Variants in PDSS2 observed in about 807,000 individuals in gnomAD.
The protein encoded by PDSS2 is decaprenyl diphosphate synthase subunit 2.
Under a neutral mutation model 44.5 loss-of-function variants are expected in PDSS2, and 31 were observed. The observed-to-expected ratio is 0.70, with a 90% CI of 0.52 to 0.94. The LOEUF is 0.94. PDSS2 is among the 40% of genes least tolerant of loss of function. The pLI, the probability that PDSS2 is intolerant of heterozygous loss-of-function variation, is 0.00. For synonymous variants in PDSS2, 157 were observed against 180.3 expected, an observed-to-expected ratio of 0.87 and a Z score of 1.03; for missense variants, 452 against 482.2, an observed-to-expected ratio of 0.94 and a Z score of 0.59.
chr6:107,364,448 C>T (rs1336819074), intron 1 of PDSS2, among the ~76,000 whole-genome samples: 1 of 152,230 alleles, frequency 6.6e-6, no homozygotes, highest in Admixed American at 6.5e-5. Context: ...GCCGGCACTG[C>T]TGGGGGACTC....
chr6:107,333,870 T>C (rs371134125), intron 2 of PDSS2, among the ~76,000 whole-genome samples: 2 of 152,112 alleles, frequency 1.3e-5, no homozygotes, highest in African/African-American at 4.8e-5. Flanking sequence ...TTAAAAATCA[T>C]AGATCCTGAA....
chr6:107,236,046 G>A (rs898513692), intron 4 of PDSS2, among the ~76,000 whole-genome samples: 10 of 152,084 alleles, frequency 6.6e-5, no homozygotes, highest in East Asian at 1.9e-4. Flanking sequence ...TCTTTTCCCC[G>A]TTTTATGAAA....
chr6:107,153,724 C>A lies in PDSS2; in HGVS notation c.*895G>T, dbSNP rs1409537379. ...ATTTGGCAACTTTTCGGCAATTTCT[C>A]CAAAAAGACATTATAAAAACCATAA... On this transcript the variant is annotated 3_prime_UTR_variant, in exon 8 of 8. Coordinates refer to ENST00000369037, the MANE Select transcript of PDSS2 (RefSeq NM_020381.4). The A allele has an allele frequency of 6.6e-6, 1 of 152,558 alleles. No homozygotes were observed. Among genetic ancestry groups the A allele is most frequent in the Non-Finnish European group, 1.5e-5 (1 of 68,028 alleles). The allele number at this position is 152,558 out of a possible 1,614,324, so 9.5% of individuals were successfully genotyped here.
chr6:107,449,774 T>C (rs954101590), intron 1 of PDSS2, among the ~76,000 whole-genome samples: 3 of 152,234 alleles, frequency 2.0e-5, no homozygotes, highest in South Asian at 4.1e-4. Flanking sequence ...TCTCACTGTG[T>C]TGCCCAAGCT....
intron 4 of PDSS2, among the ~76,000 whole-genome samples, chr6:107,226,226 G>A (rs532852592): frequency 1.2e-3 from 189 of 152,222 alleles, no homozygotes; most frequent in African/African-American, 4.4e-3. Flanking sequence ...GGAGAATAGC[G>A]TGAACCTGGG....
At chr6:107,187,173 T>A (rs1463740060) in intron 7 of PDSS2, among the ~76,000 whole-genome samples, 1 of 152,228 alleles carries the variant, frequency 6.6e-6, no homozygotes, top group Non-Finnish European at 1.5e-5. Flanking sequence ...TTCTTCTCTA[T>A]GTTACTTGGA....
chr6:107,324,433 G>A (rs985320021), intron 2 of PDSS2, among the ~76,000 whole-genome samples: 9 of 152,118 alleles, frequency 5.9e-5, no homozygotes, highest in South Asian at 4.1e-4. Context: ...AAAAAGATAC[G>A]TTTCTTAAAT....
chr6:107,286,295 G>A (rs1202332997), intron 2 of PDSS2, among the ~76,000 whole-genome samples: 1 of 151,636 alleles, frequency 6.6e-6, no homozygotes, highest in African/African-American at 2.4e-5. Context: ...ATCACTTGAG[G>A]TCAGGAGTTT....
chr6:107,421,196 T>C (rs1422602850), intron 1 of PDSS2, among the ~76,000 whole-genome samples: 2 of 152,164 alleles, frequency 1.3e-5, no homozygotes, highest in Non-Finnish European at 2.9e-5. Flanking sequence ...TACCAAATGC[T>C]AACAAAGGAT....
intron 1 of PDSS2, among the ~76,000 whole-genome samples, chr6:107,455,017 T>C (rs1781990772): frequency 6.6e-6 from 1 of 152,070 alleles, no homozygotes; most frequent in Non-Finnish European, 1.5e-5. Context: ...CAACACATTA[T>C]TGTAGTAAAT....
At chr6:107,389,835 A>AC (rs1199112509) in intron 1 of PDSS2, among the ~76,000 whole-genome samples, 6 of 152,002 alleles carry the variant, frequency 3.9e-5, no homozygotes, top group Admixed American at 2.0e-4. Flanking sequence ...AAACAAACAA[A>AC]AAAAACCATA....
At chr6:107,194,535 G>A (rs1326466975) in intron 6 of PDSS2, among the ~76,000 whole-genome samples, 1 of 152,132 alleles carries the variant, frequency 6.6e-6, no homozygotes, top group Non-Finnish European at 1.5e-5. Context: ...ACTGAAAGTT[G>A]GGTCTGGAGA....
intron 1 of PDSS2, among the ~76,000 whole-genome samples, chr6:107,419,899 A>G (rs188364659): frequency 6.6e-6 from 1 of 152,298 alleles, no homozygotes; most frequent in Admixed American, 6.5e-5. Flanking sequence ...CTCCATAGCA[A>G]CTGTAACTCT....
chr6:107,173,572 CAAAAAAAA>C (rs71012783), intron 7 of PDSS2, among the ~76,000 whole-genome samples: 113 of 41,514 alleles, frequency 2.7e-3, no homozygotes, highest in African/African-American at 0.014. Context: ...GACTCTGTCT[CAAAAAAAA>C]AAAAAAAAAA....
At chr6:107,311,840 A>C (rs1777056201) in intron 2 of PDSS2, among the ~76,000 whole-genome samples, 1 of 152,206 alleles carries the variant, frequency 6.6e-6, no homozygotes, top group African/African-American at 2.4e-5. Context: ...TGAGACATAA[A>C]TGAGATAACA....
chr6:107,249,878 G>C (rs532164163), intron 3 of PDSS2, among the ~76,000 whole-genome samples: 1 of 152,302 alleles, frequency 6.6e-6, no homozygotes, highest in African/African-American at 2.4e-5. Context: ...GGAAGAGATA[G>C]TATCCAGGTG....
chr6:107,441,694 T>C (rs1188091161), intron 1 of PDSS2, among the ~76,000 whole-genome samples: 2 of 152,190 alleles, frequency 1.3e-5, no homozygotes, highest in African/African-American at 4.8e-5. Flanking sequence ...CAGAAGGCAG[T>C]AAATTCAAGG....
intron 7 of PDSS2, among the ~76,000 whole-genome samples, chr6:107,158,309 C>T (rs539874965): frequency 1.3e-5 from 2 of 151,918 alleles, no homozygotes; most frequent in South Asian, 2.1e-4. Context: ...GTCAGCCTCC[C>T]GAGTAGCTGG....
intron 1 of PDSS2, among the ~76,000 whole-genome samples, chr6:107,445,756 A>G (rs1312023041): frequency 6.6e-6 from 1 of 152,210 alleles, no homozygotes; most frequent in African/African-American, 2.4e-5. Flanking sequence ...TTTCCATGCT[A>G]GTCCGGAATT....
Sources: gnomAD v4.1 joint callset for allele counts (sites outside exome capture counted in the v4.1 genomes callset) on GRCh38, gnomAD v4.1.1 for gene constraint, MANE v1.5 for transcripts, NCBI Gene and HGNC (gene_info 2026-07-23, HGNC 2026-07-21) for gene names.